Variants in DVL2 observed in about 807,000 individuals in gnomAD.
DVL2 encodes dishevelled segment polarity protein 2, also known as segment polarity protein dishevelled homolog DVL-2.
DVL2 carries 38 observed loss-of-function variants against 69.8 expected under a neutral mutation model. That is an observed-to-expected ratio of 0.54 (90% CI 0.42 to 0.71). The LOEUF (loss-of-function observed/expected upper bound fraction) is 0.71, where lower values mean the gene tolerates loss of function less well. Among genes scored for constraint, DVL2 ranks in the 30% least tolerant of loss-of-function variants. The pLI is 0.00. For missense variants in DVL2, 931 were observed against 1,008.1 expected, an observed-to-expected ratio of 0.92 and a Z score of 1.04; for synonymous variants, 428 against 392.4, an observed-to-expected ratio of 1.09 and a Z score of -1.07.
rs1384681864 is a variant in DVL2 at position 7,226,327 on chromosome 17, G to A, written c.1763-14C>T. On this transcript the variant is annotated splice_polypyrimidine_tract_variant and intron_variant, in intron 14 of 14. Coordinates refer to ENST00000005340, the MANE Select transcript of DVL2 (RefSeq NM_004422.3). ...TGCTCCGGCTGCCTGTGGAGGGAGG[G>A]GAGGGGCAACTGAGTCCTCACCCAG... 6.4e-7 allele frequency: 1 copy of A among 1,550,826 alleles called. No homozygotes were observed. Among genetic ancestry groups the A allele is most frequent in the Admixed American group, 2.0e-5 (1 of 50,204 alleles).
chr17:7,229,259 AG>A lies in DVL2; in HGVS notation c.832del (p.Leu278TrpfsTer23). ...VTLNMEKYNFLGISIVGQSNE... is the reference protein window; with the variant it reads ...VTLNMEKYNFXGISIVGQSNE... ...GCTCTGGCCAACAATGGAGATACCC[AG>A]GAAGTTGTACTTCTCTGTGGAGAGA... On this transcript the variant is annotated frameshift_variant, in exon 8 of 15. Coordinates refer to ENST00000005340, the MANE Select transcript of DVL2 (RefSeq NM_004422.3). LOFTEE classifies it high-confidence loss of function. The surrounding 1 kb of genome is among the most constrained non-coding windows in gnomAD (Gnocchi z 4.4). 1 of 1,614,144 alleles carries A rather than the reference AG, an allele frequency of 6.2e-7. No homozygotes were observed. Among genetic ancestry groups the A allele is most frequent in the Non-Finnish European group, 8.5e-7 (1 of 1,180,012 alleles).
At chr17:7,231,861 G>GAAAAA (rs35734517) in intron 1 of DVL2, among the ~76,000 whole-genome samples, 1 of 50,194 alleles carries the variant, frequency 2.0e-5, no homozygotes, top group African/African-American at 7.2e-5. Flanking sequence ...CTCCACCTCA[G>GAAAAA]AAAAAAAAAA....
At chr17:7,231,505 C>T (rs894012572) in intron 1 of DVL2, among the ~76,000 whole-genome samples, 5 of 148,076 alleles carry the variant, frequency 3.4e-5, no homozygotes, top group African/African-American at 1.2e-4. Flanking sequence ...AAAGCCTCTA[C>T]TCTTATACTT....
rs529321659 is a variant in DVL2, at chr17:7,230,609, A to C, written c.264+119T>G. The C allele has an allele frequency of 3.0e-6, 4 of 1,312,976 alleles. No individual in the cohort carries two copies. The East Asian group carries it at 6.9e-5, about 23-fold the overall frequency. 81.3% of individuals were successfully genotyped at this position (1,312,976 alleles called of 1,614,324 possible). ...CCTCTCGCCGGCTCTCCAAACAGAC[A>C]GGAGGTAAAGAGCCAGGGCTGCTAA... On this transcript the variant is annotated intron_variant, in intron 2 of 14. Coordinates refer to ENST00000005340, the MANE Select transcript of DVL2 (RefSeq NM_004422.3).
In DVL2 at chr17:7,229,339, A is replaced by G. The variant is rs774734000; in HGVS notation, c.817+39T>C. ...CAGGACGCCCGGAACCCTAGAGACC[A>G]GGCCCTCCCCACGCCCTAGCCACAG... is the stretch of plus-strand genomic sequence containing the variant. On this transcript the variant is annotated intron_variant, in intron 7 of 14. Coordinates refer to ENST00000005340, the MANE Select transcript of DVL2 (RefSeq NM_004422.3). The surrounding 1 kb of genome is among the most constrained non-coding windows in gnomAD (Gnocchi z 4.4). 6.2e-7 allele frequency: 1 copy of G among 1,613,584 alleles called. No individual in the cohort carries two copies. Among genetic ancestry groups the G allele is most frequent in the East Asian group, 2.2e-5 (1 of 44,874 alleles).
At chr17:7,233,105 A>AAAAAAAAAAAAAAAAAAAAAAAC (rs2071570445) in intron 1 of DVL2, among the ~76,000 whole-genome samples, 1 of 150,522 alleles carries the variant, frequency 6.6e-6, no homozygotes, top group Non-Finnish European at 1.5e-5. Flanking sequence ...AAAAAAAAAA[A>AAAAAAAAAAAAAAAAAAAAAAAC]AAGCAGAGGT....
At chr17:7,228,905 A>C (rs2071498330) in intron 9 of DVL2, 64 bp downstream of exon 9, 1 of 1,566,576 alleles carries the variant, frequency 6.4e-7, no homozygotes, top group African/African-American at 1.4e-5. Flanking sequence ...TTAAAATTCC[A>C]AAACAAAACA....
At chr17:7,228,757 T>G in intron 9 of DVL2, 1 of 547,944 alleles carries the variant, frequency 1.8e-6, no homozygotes, top group Non-Finnish European at 3.3e-6. Context: ...AATTTTTCTA[T>G]TTTTAGTAGA....
At chr17:7,233,366 TC>T (rs2071576999) in intron 1 of DVL2, among the ~76,000 whole-genome samples, 1 of 152,012 alleles carries the variant, frequency 6.6e-6, no homozygotes, top group Non-Finnish European at 1.5e-5. Flanking sequence ...TACCGAGTGC[TC>T]CAATAAAACC....
rs2071568459 is a variant in DVL2 at position 7,233,086 on chromosome 17, T to TCAAAAAAAAAAAAAAAAA, written c.194+965_194+982dup. 7.3e-5 allele frequency among the ~76,000 whole-genome samples: 2 copies of TCAAAAAAAAAAAAAAAAA among 27,364 alleles called. 1 individual carries two copies. Among genetic ancestry groups the TCAAAAAAAAAAAAAAAAA allele is most frequent in the Non-Finnish European group, 1.2e-4 (2 of 16,234 alleles). 18.0% of individuals were successfully genotyped at this position (27,364 alleles called of 152,430 possible). A position where few individuals can be genotyped will look rare whatever the true frequency, so the allele number is the denominator to read the frequency against. On this transcript the variant is annotated intron_variant, in intron 1 of 14. Coordinates refer to ENST00000005340, the MANE Select transcript of DVL2 (RefSeq NM_004422.3). ...GCCTGGGCGACAGAGCGAGACTGTC[T>TCAAAAAAAAAAAAAAAAA]CAAAAAAAAAAAAAAAAAAAAGCAG...
At chr17:7,228,801 C>G in intron 9 of DVL2, 168 bp downstream of exon 9, 1 of 635,906 alleles carries the variant, frequency 1.6e-6, no homozygotes, top group South Asian at 1.9e-5. Flanking sequence ...AGGCTGGTCT[C>G]GAACTCCTCA....
chr17:7,230,177 C>A, intron 3 of DVL2, 22 bp from the exon 4 acceptor site: 3 of 1,612,624 alleles, frequency 1.9e-6, no homozygotes, highest in Non-Finnish European at 2.5e-6. Context: ...GAGATGGTTT[C>A]CAACCCACAT....
chr17:7,227,909 A>G (rs2071482591), intron 10 of DVL2, 68 bp downstream of exon 10: 3 of 1,571,110 alleles, frequency 1.9e-6, no homozygotes, highest in Non-Finnish European at 8.7e-7. Context: ...CCATGACCAC[A>G]GGCCCGGCCC....
chr17:7,231,512 A>C (rs1343628319), intron 1 of DVL2, among the ~76,000 whole-genome samples: 1 of 148,598 alleles, frequency 6.7e-6, no homozygotes, highest in Non-Finnish European at 1.5e-5. Flanking sequence ...CTACTCTTAT[A>C]CTTTCCTTTA....
At chr17:7,228,161 C>T (rs994558085) in intron 9 of DVL2, 117 bp from the exon 10 acceptor site, 2 of 833,018 alleles carry the variant, frequency 2.4e-6, no homozygotes, top group Admixed American at 2.7e-5. Flanking sequence ...AAGCACATCG[C>T]GGCTGGGCTA....
chr17:7,228,916 T>C (rs1355821575), intron 9 of DVL2, 53 bp downstream of exon 9: 4 of 1,575,506 alleles, frequency 2.5e-6, no homozygotes, highest in South Asian at 2.2e-5. Context: ...AAACAAAACA[T>C]GAAAGAGAAA....
chr17:7,229,340 G>A lies in DVL2; in HGVS notation c.817+38C>T. The A allele has an allele frequency of 1.2e-6, 2 of 1,613,680 alleles. No homozygotes were observed. The highest frequency in any genetic ancestry group is 8.5e-7 in the Non-Finnish European group (1 of 1,179,858). On this transcript the variant is annotated intron_variant, in intron 7 of 14. Transcript: ENST00000005340. This position sits in a 1 kb window ranked among gnomAD's most constrained non-coding sequence, Gnocchi z 4.4. Reference sequence around the variant, plus strand: ...AGGACGCCCGGAACCCTAGAGACCAGGCCCTCCCCACGCCCTAGCCACAGG... The same window carrying A: ...AGGACGCCCGGAACCCTAGAGACCAAGCCCTCCCCACGCCCTAGCCACAGG...
Position 7,234,062 on chromosome 17 carries a change from C to A in DVL2, c.194+7G>T. ...CCCCGCCGGTCCTATCTAGGCCTTG[C>A]GCTCACCCGAAATCCTGATCCATAG... On this transcript the variant is annotated splice_region_variant and intron_variant, in intron 1 of 14. Coordinates refer to ENST00000005340, the MANE Select transcript of DVL2 (RefSeq NM_004422.3). 6.2e-7 allele frequency: 1 copy of A among 1,613,664 alleles called. No individual in the cohort carries two copies.
rs751236399 is a variant in DVL2, at chr17:7,225,447, T to C, written c.*418A>G. ...AAATCTCCCAGCTTCCTCAGGCTGCTGTCTAGGATGCCTAACCCCGGGGTA... is the reference window on the plus strand; with the variant it reads ...AAATCTCCCAGCTTCCTCAGGCTGCCGTCTAGGATGCCTAACCCCGGGGTA... On this transcript the variant is annotated 3_prime_UTR_variant, in exon 15 of 15. Transcript: ENST00000005340. 6.9e-6 allele frequency: 3 copies of C among 434,984 alleles called. No individual in the cohort carries two copies. The highest frequency in any genetic ancestry group is 1.3e-5 in the Non-Finnish European group (3 of 236,636). 26.9% of individuals were successfully genotyped at this position (434,984 alleles called of 1,614,324 possible).
Sources: allele counts gnomAD v4.1 joint callset (sites outside exome capture counted in the v4.1 genomes callset), GRCh38; gene constraint gnomAD v4.1.1; non-coding constraint Gnocchi (gnomAD v3.1); transcripts MANE v1.5; gene names NCBI Gene and HGNC (gene_info 2026-07-23, HGNC 2026-07-21).